Variants in AGO2 observed in about 807,000 individuals in gnomAD.
The protein encoded by AGO2 is argonaute RISC catalytic component 2, also known as protein argonaute-2.
Under a neutral mutation model 102.3 loss-of-function variants are expected in AGO2, and 5 were observed. The observed-to-expected ratio is 0.05, with a 90% confidence interval of 0.03 to 0.10. The LOEUF (loss-of-function observed/expected upper bound fraction) is 0.10. Among genes scored for constraint, AGO2 ranks in the 10% least tolerant of loss-of-function variants. AGO2 has a pLI of 1.00. For synonymous variants in AGO2, 449 were observed against 473.1 expected (o/e 0.95, Z 0.66); for missense variants, 541 against 1,183.7 (o/e 0.46, Z 7.97).
chr8:140,568,798 G>C (rs769194248), intron 3 of AGO2, among the ~76,000 whole-genome samples: 27 of 152,376 alleles, frequency 1.8e-4, no homozygotes, highest in East Asian at 3.8e-4. Flanking sequence ...AGATGACAGA[G>C]CAGGTACAGG....
chr8:140,545,851 C>G (rs1466274547), intron 13 of AGO2, among the ~76,000 whole-genome samples: 1 of 152,250 alleles, frequency 6.6e-6, no homozygotes, highest in East Asian at 1.9e-4. Context: ...GGTGGCCACA[C>G]TGTCGGGTGC....
intron 4 of AGO2, 132 bp from the exon 5 acceptor site, chr8:140,560,642 GT>G: frequency 9.0e-7 from 1 of 1,107,616 alleles, no homozygotes; most frequent in Non-Finnish European, 1.3e-6. Context: ...TTAAATCCAC[GT>G]TTACCACACG....
At chr8:140,607,048 G>T (rs1487506649) in intron 1 of AGO2, among the ~76,000 whole-genome samples, 1 of 151,968 alleles carries the variant, frequency 6.6e-6, no homozygotes, top group African/African-American at 2.4e-5. Context: ...TCGGGAGTTG[G>T]AGACCAGCCT....
At position 140,526,376 on chromosome 8, in the gene AGO2, C is replaced by T. The variant is rs1384868404; in HGVS notation, c.*5668G>A. ...GAAGGATGGCATGCCGTTATGCCGT[C>T]CCGTGCAGAGAACCCTCCCATGCCA... On this transcript the variant is annotated 3_prime_UTR_variant, in exon 19 of 19. Transcript: ENST00000220592. The surrounding 1 kb of genome is among the most constrained non-coding windows in gnomAD (Gnocchi z 5.2). The T allele has an allele frequency of 6.6e-6, 1 of 152,216 alleles. No homozygotes were observed. The highest frequency in any genetic ancestry group is 6.5e-5 in the Admixed American group (1 of 15,284). The allele number at this position is 152,216 out of a possible 1,614,324, so 9.4% of individuals were successfully genotyped here.
chr8:140,544,381 T>G, intron 13 of AGO2, 78 bp from the exon 14 acceptor site: 7 of 1,203,910 alleles, frequency 5.8e-6, no homozygotes, highest in Non-Finnish European at 5.8e-6. Context: ...ACCATCACCT[T>G]TTGGAGGTGG....
chr8:140,555,689 A>T, intron 10 of AGO2: 2 of 672,718 alleles, frequency 3.0e-6, no homozygotes, highest in Non-Finnish European at 4.7e-6. Flanking sequence ...TGAAAACATT[A>T]AGGATAATTC....
chr8:140,583,935 G>A (rs1280317082), intron 2 of AGO2, among the ~76,000 whole-genome samples: 2 of 151,914 alleles, frequency 1.3e-5, no homozygotes, highest in Non-Finnish European at 2.9e-5. Flanking sequence ...CGTTACGTGG[G>A]CTATGATTTC....
chr8:140,595,717 A>G (rs1206544452), intron 1 of AGO2, among the ~76,000 whole-genome samples: 5 of 132,122 alleles, frequency 3.8e-5, no homozygotes, highest in African/African-American at 1.4e-4. Flanking sequence ...TAAATATTAT[A>G]TTATATAATA....
Position 140,521,142 on chromosome 8 carries a change from G to A in AGO2, c.*10902C>T, listed in dbSNP as rs1199857916. On this transcript the variant is annotated 3_prime_UTR_variant, in exon 19 of 19. Coordinates refer to ENST00000220592, the MANE Select transcript of AGO2 (RefSeq NM_012154.5). ...TATAAATTTAATCACCTGCCCCAAA[G>A]TCCTCTCGTTAGGTTAAAAACACAA... 1 of 152,122 alleles carries A rather than the reference G, an allele frequency of 6.6e-6. No homozygotes were observed. The highest frequency in any genetic ancestry group is 6.5e-5 in the Admixed American group (1 of 15,268). 9.4% of individuals were successfully genotyped at this position (152,122 alleles called of 1,614,324 possible). A position where few individuals can be genotyped will look rare whatever the true frequency, so the allele number is the denominator to read the frequency against.
At chr8:140,601,344 G>A (rs1328196856) in intron 1 of AGO2, among the ~76,000 whole-genome samples, 3 of 152,138 alleles carry the variant, frequency 2.0e-5, no homozygotes, top group African/African-American at 7.2e-5. Context: ...AACGGTGCAT[G>A]CCCCCAGCAG....
At position 140,544,675 on chromosome 8, in the gene AGO2, C is replaced by T. The variant is rs2072866087; in HGVS notation, c.1749-372G>A. On this transcript the variant is annotated intron_variant, in intron 13 of 18. Transcript: ENST00000220592. Reference sequence around the variant, plus strand: ...ACCGCCACCCTTAGCACCACCAATGCCTGGGGCCAGCTCGCTCTTTGTTGG... The same window carrying T: ...ACCGCCACCCTTAGCACCACCAATGTCTGGGGCCAGCTCGCTCTTTGTTGG... Among the ~76,000 whole-genome samples the T allele has an allele frequency of 2.6e-5, 4 of 152,204 alleles. 1 individual carries two copies. In the South Asian group the frequency reaches 8.3e-4, roughly 31 times the overall value.
In AGO2 at chr8:140,527,121, C is replaced by T. The variant is rs943341831; in HGVS notation, c.*4923G>A. 6.6e-6 allele frequency: 1 copy of T among 152,252 alleles called. No individual in the cohort carries two copies. The highest frequency in any genetic ancestry group is 2.4e-5 in the African/African-American group (1 of 41,460). The allele number at this position is 152,252 out of a possible 1,614,324, so 9.4% of individuals were successfully genotyped here. On this transcript the variant is annotated 3_prime_UTR_variant, in exon 19 of 19. Coordinates refer to ENST00000220592, the MANE Select transcript of AGO2 (RefSeq NM_012154.5). The surrounding 1 kb of genome is among the most constrained non-coding windows in gnomAD (Gnocchi z 6.0). Reference sequence around the variant, plus strand: ...CGACGAGGAATCAAACAGACCACAACAGTGTTCACAAGACTGCAACGAGTC... The same window carrying T: ...CGACGAGGAATCAAACAGACCACAATAGTGTTCACAAGACTGCAACGAGTC...
intron 2 of AGO2, among the ~76,000 whole-genome samples, chr8:140,577,024 A>G (rs1391301390): frequency 6.6e-6 from 1 of 151,996 alleles, no homozygotes; most frequent in Non-Finnish European, 1.5e-5. Flanking sequence ...TGGCTAACAC[A>G]ATGAAACCCT....
Position 140,546,492 on chromosome 8 carries a change from G to A in AGO2, c.1748+976C>T, listed in dbSNP as rs530363175. Reference sequence around the variant, plus strand: ...AGCACAGGCCTGTGCACACAGCAGGGGCTCACCACCGCCCACTTTCCAAAT... The same window carrying A: ...AGCACAGGCCTGTGCACACAGCAGGAGCTCACCACCGCCCACTTTCCAAAT... On this transcript the variant is annotated intron_variant, in intron 13 of 18. Transcript: ENST00000220592. 3.3e-5 allele frequency among the ~76,000 whole-genome samples: 5 copies of A among 152,316 alleles called. No homozygotes were observed. The South Asian group carries it at 6.2e-4, about 19-fold the overall frequency.
intron 17 of AGO2, among the ~76,000 whole-genome samples, chr8:140,534,390 A>C (rs894214032): frequency 2.6e-5 from 4 of 152,232 alleles, no homozygotes; most frequent in African/African-American, 9.6e-5. Flanking sequence ...CAGAGGGCAC[A>C]CGCAGGCAGG....
At chr8:140,584,058 G>A (rs1356575672) in intron 2 of AGO2, among the ~76,000 whole-genome samples, 2 of 150,146 alleles carry the variant, frequency 1.3e-5, no homozygotes, top group South Asian at 2.1e-4. Flanking sequence ...CGCTCCGGAG[G>A]ATGCTTACAA....
At chr8:140,536,800 C>T (rs1418449925) in intron 16 of AGO2, among the ~76,000 whole-genome samples, 7 of 152,212 alleles carry the variant, frequency 4.6e-5, no homozygotes, top group African/African-American at 1.2e-4. Flanking sequence ...GGGGCTGCAG[C>T]GGGGAGGAAG....
At chr8:140,639,352 G>A (rs1326112784), upstream of AGO2, among the ~76,000 whole-genome samples, 4 of 152,162 alleles carry the variant, frequency 2.6e-5, no homozygotes, top group East Asian at 5.8e-4. Context: ...GTGGTGGCAC[G>A]CGCCTGTAGT....
intron 1 of AGO2, among the ~76,000 whole-genome samples, chr8:140,597,291 A>G (rs1450773601): frequency 6.6e-6 from 1 of 152,238 alleles, no homozygotes; most frequent in African/African-American, 2.4e-5. Flanking sequence ...CAGGGATTCC[A>G]ATTCCCAGAG....
Sources: allele counts gnomAD v4.1 joint callset (sites outside exome capture counted in the v4.1 genomes callset), GRCh38; gene constraint gnomAD v4.1.1; non-coding constraint Gnocchi (gnomAD v3.1); transcripts MANE v1.5; gene names NCBI Gene and HGNC (gene_info 2026-07-23, HGNC 2026-07-21).